The following ANO7 variants were observed in gnomAD, a reference collection of about 807,000 sequenced individuals.
ANO7 encodes anoctamin 7, also known as anoctamin-7.
ANO7 carries 114 observed loss-of-function variants against 115.8 expected under a neutral mutation model. The ratio of observed to expected loss-of-function variants is 0.98; its 90% CI spans 0.85 to 1.15. ANO7 has a LOEUF of 1.15. Ranked by LOEUF, ANO7 falls within the 50% of genes most tolerant of loss-of-function variation. The pLI is 0.00. For synonymous variants in ANO7, 550 were observed against 498.2 expected, an observed-to-expected ratio of 1.10 and a Z score of -1.38; for missense variants, 1,302 against 1,201.2, an observed-to-expected ratio of 1.08 and a Z score of -1.24.
intron 4 of ANO7, among the ~76,000 whole-genome samples, chr2:241,197,085 G>A (rs1208141487): frequency 2.0e-5 from 3 of 152,128 alleles, no homozygotes; most frequent in African/African-American, 4.8e-5. Flanking sequence ...GTGGCTCACC[G>A]TGGTTTGTGT....
At chr2:241,204,738 C>T in intron 9 of ANO7, 127 bp from the exon 10 acceptor site, 1 of 665,164 alleles carries the variant, frequency 1.5e-6, no homozygotes, top group Non-Finnish European at 2.6e-6. Flanking sequence ...GGCCTCCTCA[C>T]ATAGGGCCCC....
chr2:241,207,107 C>A (rs1433380847), intron 10 of ANO7, among the ~76,000 whole-genome samples: 1 of 108,500 alleles, frequency 9.2e-6, no homozygotes, highest in African/African-American at 3.9e-5. Flanking sequence ...GGAGTGCTCC[C>A]AGTCTGACAG....
chr2:241,212,276 G>T, intron 16 of ANO7, 71 bp downstream of exon 16: 1 of 1,417,140 alleles, frequency 7.1e-7, no homozygotes, highest in Non-Finnish European at 1.0e-6. Flanking sequence ...CCGCTGCCTG[G>T]GTACCAGGCG....
chr2:241,233,947 T>C, the ANO7 span: 1 of 1,614,214 alleles, frequency 6.2e-7, no homozygotes, highest in Non-Finnish European at 8.5e-7. The surrounding 1 kb of genome is among the most constrained non-coding windows in gnomAD (Gnocchi z 4.3). Context: ...GACACTCAGC[T>C]TAAAACTCCT....
chr2:241,232,983 A>G, the ANO7 span, among the ~76,000 whole-genome samples: 1 of 143,618 alleles, frequency 7.0e-6, no homozygotes, highest in Non-Finnish European at 1.5e-5. Context: ...GCTGGGGAGG[A>G]AGAAGGGGAA....
At position 241,225,669 on chromosome 2, in the gene ANO7, G is replaced by A. The variant is rs910035374; in HGVS notation, c.*1516G>A. Among the ~76,000 whole-genome samples the A allele has an allele frequency of 9.2e-5, 14 of 152,114 alleles. No homozygotes were observed. The highest frequency in any genetic ancestry group is 1.9e-4 in the East Asian group (1 of 5,182). ...CCGTGATGCCTGGCCTGAGGGCGGC[G>A]TGCTTGCTTGTAGCATTTCTTGAGG... is the stretch of plus-strand genomic sequence containing the variant. On this transcript the variant is annotated 3_prime_UTR_variant, in exon 25 of 25. Transcript: ENST00000674324.
At chr2:241,199,209 C>T (rs985826105) in intron 4 of ANO7, 107 bp from the exon 5 acceptor site, 16 of 976,590 alleles carry the variant, frequency 1.6e-5, no homozygotes, top group Middle Eastern at 4.1e-4. Flanking sequence ...GCTGTTACCA[C>T]GGCTACAGAA....
At chr2:241,228,666 C>G (rs560164417), downstream of ANO7, 51 of 152,818 alleles carry the variant, frequency 3.3e-4, no homozygotes, top group African/African-American at 1.1e-3. Context: ...ACTAACTGCA[C>G]AGAGACCACT....
At chr2:241,232,807 T>G in the ANO7 span, among the ~76,000 whole-genome samples, 3 of 151,850 alleles carry the variant, frequency 2.0e-5, no homozygotes, top group Admixed American at 6.6e-5. Flanking sequence ...AGACAAAGAC[T>G]ATCTCTCTCA....
chr2:241,196,083 G>T lies in ANO7; in HGVS notation c.309+238G>T, dbSNP rs80129750. Reference sequence around the variant, plus strand: ...ACTCAGCTCTCTCATGGAAGTCGGAGCCCTCAGGGTCACCTGAAAACTCTG... The same window carrying T: ...ACTCAGCTCTCTCATGGAAGTCGGATCCCTCAGGGTCACCTGAAAACTCTG... On this transcript the variant is annotated intron_variant, in intron 4 of 24. Transcript: ENST00000674324. 6.2e-3 allele frequency: 8,734 copies of T among 1,412,872 alleles called. 29 individuals are homozygous for T. The highest frequency in any genetic ancestry group is 7.1e-3 in the Non-Finnish European group (7,687 of 1,086,378). The allele number at this position is 1,412,872 out of a possible 1,614,324, so 87.5% of individuals were successfully genotyped here.
At chr2:241,208,198 C>T (rs145084105) in intron 11 of ANO7, among the ~76,000 whole-genome samples, 55 of 152,322 alleles carry the variant, frequency 3.6e-4, no homozygotes, top group African/African-American at 1.3e-3. Context: ...GGCCAGACGC[C>T]GTTTGACCTC....
rs567649739 is a variant in ANO7, at chr2:241,204,619, C to T, written c.890-246C>T. Among the ~76,000 whole-genome samples, 330 of 152,074 alleles carry T rather than the reference C, an allele frequency of 2.2e-3. 1 individual carries two copies. The highest frequency in any genetic ancestry group is 6.6e-3 in the African/African-American group (275 of 41,476). On this transcript the variant is annotated intron_variant, in intron 9 of 24. Transcript: ENST00000674324. ...GTGGAGAGCCTGGTGGGCTGGAGCC[C>T]CAGCAGCACTGGTGTTGGGGTCAAT...
intron 8 of ANO7, among the ~76,000 whole-genome samples, chr2:241,202,925 T>A (rs1455831335): frequency 1.3e-5 from 2 of 152,056 alleles, no homozygotes; most frequent in African/African-American, 4.8e-5. Flanking sequence ...AAAGTGGGTG[T>A]GGAAATGCCA....
chr2:241,218,252 C>A lies in ANO7; in HGVS notation c.2192C>A (p.Ala731Asp), dbSNP rs758496576. The A allele has an allele frequency of 2.0e-6, 3 of 1,524,504 alleles. No individual in the cohort carries two copies. Among genetic ancestry groups the A allele is most frequent in the Non-Finnish European group, 1.7e-6 (2 of 1,143,120 alleles). The allele number at this position is 1,524,504 out of a possible 1,614,324, so 94.4% of individuals were successfully genotyped here. A position where few individuals can be genotyped will look rare whatever the true frequency, so the allele number is the denominator to read the frequency against. Reference sequence around the variant, plus strand: ...TCCGGCGCCCAGGCCTTCCTCCTGGCCTTCTCGTCCGACTTCCTGCCGCGC... The same window carrying A: ...TCCGGCGCCCAGGCCTTCCTCCTGGACTTCTCGTCCGACTTCCTGCCGCGC... ...LAVISNAFLL[A>D]FSSDFLPRAY... Residue 731 changes from alanine to aspartate, a missense_variant, in exon 21 of 25, where the codon GCC becomes GAC. Ala to Asp is a moderately radical substitution (Grantham distance 126). Transcript: ENST00000674324.
chr2:241,209,793 C>A (rs554234836), intron 13 of ANO7, among the ~76,000 whole-genome samples, 158 bp downstream of exon 13: 73 of 152,150 alleles, frequency 4.8e-4, no homozygotes, highest in Non-Finnish European at 8.8e-4. Context: ...CGGGCTCGGC[C>A]GTGGGGTCCC....
intron 10 of ANO7, among the ~76,000 whole-genome samples, chr2:241,205,377 C>T (rs1185298445): frequency 6.9e-6 from 1 of 145,154 alleles, no homozygotes; most frequent in Non-Finnish European, 1.5e-5. Flanking sequence ...GATAGGTGGA[C>T]AGGAGTGCTC....
the ANO7 span, chr2:241,238,747 A>G: frequency 6.3e-7 from 1 of 1,576,914 alleles, no homozygotes; most frequent in Non-Finnish European, 8.7e-7. This position sits in a 1 kb window ranked among gnomAD's most constrained non-coding sequence, Gnocchi z 4.9. Flanking sequence ...AGATCGATGG[A>G]ATTTCTGGGG....
rs933840264 is a variant in ANO7 at position 241,224,254 on chromosome 2, G to A, written c.*101G>A. ...CCCTCAGGCAGCGGCTGTGTGAACC[G>A]CTGGCTGCTGTTGTGCCTCATCTCT... On this transcript the variant is annotated 3_prime_UTR_variant, in exon 25 of 25. Coordinates refer to ENST00000674324, the MANE Select transcript of ANO7 (RefSeq NM_001370694.2). 6.0e-6 allele frequency: 8 copies of A among 1,341,520 alleles called. No individual in the cohort carries two copies. Among genetic ancestry groups the A allele is most frequent in the Middle Eastern group, 2.0e-4 (1 of 4,920 alleles). The allele number at this position is 1,341,520 out of a possible 1,614,324, so 83.1% of individuals were successfully genotyped here. A position where few individuals can be genotyped will look rare whatever the true frequency, so the allele number is the denominator to read the frequency against.
chr2:241,214,341 GA>G (rs2068775479), intron 17 of ANO7, among the ~76,000 whole-genome samples: 1 of 152,220 alleles, frequency 6.6e-6, no homozygotes, highest in African/African-American at 2.4e-5. Context: ...TGTGTTCTCA[GA>G]AAGATTATCC....
Sources: gnomAD v4.1 joint callset for allele counts (sites outside exome capture counted in the v4.1 genomes callset) on GRCh38, gnomAD v4.1.1 for gene constraint, Gnocchi (gnomAD v3.1) non-coding constraint, MANE v1.5 for transcripts, NCBI Gene and HGNC (gene_info 2026-07-23, HGNC 2026-07-21) for gene names.